SLC23A2: variants seen among roughly 807,000 people sequenced by gnomAD.
SLC23A2 encodes Na(+)/L-ascorbic acid transporter 2.
SLC23A2 carries 36 observed loss-of-function variants against 73.3 expected under a neutral mutation model. The ratio of observed to expected loss-of-function variants is 0.49; its 90% CI spans 0.38 to 0.65. The LOEUF is 0.65. SLC23A2 is among the 30% of genes least tolerant of loss of function. SLC23A2 has a pLI of 0.00. For synonymous variants in SLC23A2, 343 were observed against 327.3 expected, an observed-to-expected ratio of 1.05 and a Z score of -0.52; for missense variants, 507 against 841.6, an observed-to-expected ratio of 0.60 and a Z score of 4.92.
chr20:4,858,896 C>G (rs1929842070), intron 16 of SLC23A2, among the ~76,000 whole-genome samples: 1 of 152,054 alleles, frequency 6.6e-6, no homozygotes, highest in Non-Finnish European at 1.5e-5. Flanking sequence ...ATTTAAGGGA[C>G]AGTCTCCCCA....
intron 1 of SLC23A2, among the ~76,000 whole-genome samples, chr20:4,999,349 G>A (rs1277409450): frequency 6.6e-6 from 1 of 152,156 alleles, no homozygotes; most frequent in South Asian, 2.1e-4. Flanking sequence ...TGGATGGATG[G>A]ATGGGCAGAC....
intron 6 of SLC23A2, among the ~76,000 whole-genome samples, chr20:4,895,305 G>A (rs1282889627): frequency 6.6e-6 from 1 of 152,178 alleles, no homozygotes; most frequent in Non-Finnish European, 1.5e-5. Context: ...AGTCAGGCCT[G>A]CACGCCCGGC....
chr20:4,969,807 G>T (rs2087534607), intron 2 of SLC23A2, among the ~76,000 whole-genome samples: 1 of 152,032 alleles, frequency 6.6e-6, no homozygotes, highest in Admixed American at 6.6e-5. Context: ...TTTTCTGAAG[G>T]ATAATTTACC....
chr20:4,886,053 CA>C, intron 6 of SLC23A2, 144 bp from the exon 7 acceptor site: 1 of 576,340 alleles, frequency 1.7e-6, no homozygotes. Flanking sequence ...CCCCAGTTTG[CA>C]AAGGTTTCCT....
At chr20:4,897,711 C>T (rs1325088698) in intron 6 of SLC23A2, among the ~76,000 whole-genome samples, 1 of 152,162 alleles carries the variant, frequency 6.6e-6, no homozygotes, top group East Asian at 1.9e-4. Flanking sequence ...CCCAAGTTCC[C>T]CCAGGCCCTC....
intron 1 of SLC23A2, among the ~76,000 whole-genome samples, chr20:4,988,325 T>C (rs1054122405): frequency 1.3e-5 from 2 of 150,238 alleles, no homozygotes; most frequent in African/African-American, 4.9e-5. Flanking sequence ...TAGCTGACCG[T>C]GTGTGGTGGC....
intron 6 of SLC23A2, among the ~76,000 whole-genome samples, chr20:4,890,523 G>A (rs1931292159): frequency 6.6e-6 from 1 of 152,066 alleles, no homozygotes; most frequent in Non-Finnish European, 1.5e-5. Context: ...CATGGTGGCA[G>A]GTACCTATAT....
chr20:4,897,546 C>A (rs556562590), intron 6 of SLC23A2, among the ~76,000 whole-genome samples: 61 of 152,324 alleles, frequency 4.0e-4, no homozygotes, highest in South Asian at 8.3e-4. Flanking sequence ...CTGAGCCATC[C>A]CAGTAGGGTG....
At chr20:4,905,589 A>C (rs1025582752) in intron 4 of SLC23A2, among the ~76,000 whole-genome samples, 1 of 152,240 alleles carries the variant, frequency 6.6e-6, no homozygotes, top group Non-Finnish European at 1.5e-5. Context: ...CAAAGACTAG[A>C]GTGAACTCAG....
chr20:4,997,781 G>T (rs561131759), intron 1 of SLC23A2, among the ~76,000 whole-genome samples: 2 of 149,332 alleles, frequency 1.3e-5, no homozygotes, highest in African/African-American at 4.9e-5. Flanking sequence ...CTACTACCAC[G>T]TCCAGCGAAT....
In SLC23A2 at chr20:4,936,507, C is replaced by G. The variant is rs116795542; in HGVS notation, c.-154-3791G>C. Among the ~76,000 whole-genome samples, 914 of 152,224 alleles carry G rather than the reference C, an allele frequency of 6.0e-3. 6 individuals are homozygous for G. Among genetic ancestry groups the G allele is most frequent in the African/African-American group, 0.02 (828 of 41,540 alleles). On this transcript the variant is annotated intron_variant, in intron 2 of 16. Transcript: ENST00000338244. Reference sequence around the variant, plus strand: ...CTCATTATGTTGCCCAGGCTGGTCTCAAAATCCTGGCCTCAAGCGATCATC... The same window carrying G: ...CTCATTATGTTGCCCAGGCTGGTCTGAAAATCCTGGCCTCAAGCGATCATC...
At chr20:4,864,001 C>T (rs1930090586) in intron 13 of SLC23A2, among the ~76,000 whole-genome samples, 1 of 152,118 alleles carries the variant, frequency 6.6e-6, no homozygotes, top group Non-Finnish European at 1.5e-5. Context: ...CCACACTTTG[C>T]CCCTGCCTAT....
intron 1 of SLC23A2, among the ~76,000 whole-genome samples, chr20:4,973,656 G>A (rs962973403): frequency 2.8e-4 from 43 of 152,200 alleles, no homozygotes; most frequent in Non-Finnish European, 1.9e-4. Context: ...AGAGCGCTCC[G>A]CTGAATGCCC....
intron 1 of SLC23A2, among the ~76,000 whole-genome samples, chr20:4,982,821 T>A (rs1201104572): frequency 1.3e-5 from 2 of 151,760 alleles, no homozygotes; most frequent in African/African-American, 4.8e-5. Flanking sequence ...AGTCCAAATG[T>A]GTGGCCAGGC....
intron 4 of SLC23A2, among the ~76,000 whole-genome samples, chr20:4,903,669 AT>A (rs1212654057): frequency 6.6e-6 from 1 of 152,198 alleles, no homozygotes. Flanking sequence ...CAGAAGGTAA[AT>A]GTCTGATGGA....
intron 1 of SLC23A2, among the ~76,000 whole-genome samples, chr20:4,975,231 C>T (rs2087624680): frequency 6.6e-6 from 1 of 152,204 alleles, no homozygotes; most frequent in African/African-American, 2.4e-5. Flanking sequence ...AATGAAAAAG[C>T]TTCCCAATTC....
rs552603797 is a variant in SLC23A2, at chr20:4,944,776, G to A, written c.-154-12060C>T. On this transcript the variant is annotated intron_variant, in intron 2 of 16. Coordinates refer to ENST00000338244, the MANE Select transcript of SLC23A2 (RefSeq NM_005116.6). The stretch of plus-strand genomic sequence containing the variant: ...CTAAGACACAAGAGCTTTCAGGGCC[G>A]GCTAGGTTCAATGATGAAGCACATT... Among the ~76,000 whole-genome samples the A allele has an allele frequency of 1.8e-4, 28 of 152,284 alleles. No individual in the cohort carries two copies. The East Asian group carries it at 2.3e-3, about 13-fold the overall frequency.
chr20:4,970,963 G>T (rs2087551091), intron 1 of SLC23A2, 44 bp from the exon 2 acceptor site: 2 of 152,116 alleles, frequency 1.3e-5, no homozygotes, highest in African/African-American at 4.8e-5. Flanking sequence ...AACAAACCTA[G>T]CAGGAGGTAC....
intron 11 of SLC23A2, among the ~76,000 whole-genome samples, chr20:4,873,427 G>A (rs1930528443): frequency 6.6e-6 from 1 of 152,186 alleles, no homozygotes; most frequent in African/African-American, 2.4e-5. Context: ...CTCAAATTAA[G>A]ATGCAGCTTT....
Sources: gnomAD v4.1 joint callset for allele counts (sites outside exome capture counted in the v4.1 genomes callset) on GRCh38, gnomAD v4.1.1 for gene constraint, MANE v1.5 for transcripts, NCBI Gene and HGNC (gene_info 2026-07-23, HGNC 2026-07-21) for gene names.